Variants in CHRNA7 observed in about 807,000 individuals in gnomAD.
The protein encoded by CHRNA7 is neuronal acetylcholine receptor subunit alpha-7.
Under a neutral mutation model 48.0 loss-of-function variants are expected in CHRNA7, and 17 were observed. The ratio of observed to expected loss-of-function variants is 0.35; its 90% CI spans 0.24 to 0.53. CHRNA7 has a LOEUF of 0.53. Ranked by LOEUF, CHRNA7 falls within the 20% of genes least tolerant of loss-of-function variation. The pLI is 0.92. For missense variants in CHRNA7, 155 were observed against 577.7 expected, an observed-to-expected ratio of 0.27 and a Z score of 7.50; for synonymous variants, 75 against 242.3, an observed-to-expected ratio of 0.31 and a Z score of 6.41.
intron 4 of CHRNA7, among the ~76,000 whole-genome samples, chr15:32,114,077 C>CACATATATATATATATATAT (rs2050822815): frequency 1.1e-5 from 1 of 93,830 alleles, no homozygotes; most frequent in South Asian, 3.4e-4. Context: ...TATATATATA[C>CACATATATATATATATATAT]ACATACATAC....
At chr15:32,108,174 T>C (rs1258091255) in intron 3 of CHRNA7, among the ~76,000 whole-genome samples, 1 of 151,542 alleles carries the variant, frequency 6.6e-6, no homozygotes, top group East Asian at 2.0e-4. Flanking sequence ...GCAGCACAAA[T>C]AGGGCCCAGG....
chr15:32,151,098 C>T (rs562001776), intron 4 of CHRNA7, among the ~76,000 whole-genome samples: 20 of 152,064 alleles, frequency 1.3e-4, no homozygotes, highest in Admixed American at 4.6e-4. Context: ...CAAATCACGG[C>T]TTTCTCATAC....
intron 2 of CHRNA7, among the ~76,000 whole-genome samples, chr15:32,051,430 C>CGTGGGCGT (rs2049675168): frequency 6.6e-6 from 1 of 152,126 alleles, no homozygotes; most frequent in African/African-American, 2.4e-5. Flanking sequence ...AGTGAGACTC[C>CGTGGGCGT]ATGGGCGTAG....
chr15:32,060,039 A>AT (rs1270225237), intron 2 of CHRNA7, among the ~76,000 whole-genome samples: 3 of 151,776 alleles, frequency 2.0e-5, no homozygotes, highest in Admixed American at 2.0e-4. Context: ...AATTGCTGGA[A>AT]TAATGTAATC....
chr15:32,073,210 A>G (rs2050085403), intron 2 of CHRNA7, among the ~76,000 whole-genome samples: 3 of 152,208 alleles, frequency 2.0e-5, no homozygotes, highest in Non-Finnish European at 4.4e-5. Flanking sequence ...GATGCGGGAC[A>G]TGGAGTCAAA....
intron 2 of CHRNA7, among the ~76,000 whole-genome samples, chr15:32,052,458 C>T (rs1404721140): frequency 2.0e-5 from 3 of 152,114 alleles, no homozygotes; most frequent in East Asian, 1.9e-4. Flanking sequence ...AGGCCAGGTG[C>T]GTTGGCTCAC....
chr15:32,084,435 C>T (rs2050262878), intron 2 of CHRNA7, among the ~76,000 whole-genome samples: 2 of 152,146 alleles, frequency 1.3e-5, no homozygotes, highest in African/African-American at 2.4e-5. Flanking sequence ...ACTGACTGGG[C>T]GGCAATGTGC....
chr15:32,108,952 A>G (rs564402314), intron 3 of CHRNA7, among the ~76,000 whole-genome samples: 1 of 152,252 alleles, frequency 6.6e-6, no homozygotes, highest in South Asian at 2.1e-4. Flanking sequence ...GGTCTGTCTG[A>G]TGCGGATGCT....
At chr15:32,134,100 GTCC>G (rs765039910) in intron 4 of CHRNA7, among the ~76,000 whole-genome samples, 16 of 151,942 alleles carry the variant, frequency 1.1e-4, no homozygotes, top group Non-Finnish European at 2.1e-4. Context: ...TCTCTCCTGC[GTCC>G]TCCTCCCTCC....
intron 3 of CHRNA7, among the ~76,000 whole-genome samples, chr15:32,108,715 C>A (rs1364760038): frequency 6.6e-6 from 1 of 152,170 alleles, no homozygotes; most frequent in East Asian, 1.9e-4. Context: ...ACTACAGCTC[C>A]CAAGTCCAGC....
At chr15:32,154,858 TCACA>T (rs2051704752) in intron 5 of CHRNA7, among the ~76,000 whole-genome samples, 1 of 34,144 alleles carries the variant, frequency 2.9e-5, no homozygotes, top group Non-Finnish European at 4.9e-5. Flanking sequence ...CACTCACCCC[TCACA>T]CACACCACTC....
chr15:32,114,373 G>A (rs1348870287), intron 4 of CHRNA7, among the ~76,000 whole-genome samples: 1 of 151,994 alleles, frequency 6.6e-6, no homozygotes. Flanking sequence ...ATGTTACCAG[G>A]GTCCAGGCCC....
chr15:32,039,916 G>A (rs2049415929), intron 2 of CHRNA7, among the ~76,000 whole-genome samples: 2 of 152,058 alleles, frequency 1.3e-5, no homozygotes, highest in Non-Finnish European at 2.9e-5. Context: ...TGCCTCATTA[G>A]TTTGATGCTG....
At chr15:32,041,093 A>G (rs778312053) in intron 2 of CHRNA7, among the ~76,000 whole-genome samples, 37 of 151,840 alleles carry the variant, frequency 2.4e-4, no homozygotes, top group Admixed American at 2.6e-4. Flanking sequence ...TTTTATCTTT[A>G]TCTTTGTTTA....
At chr15:32,065,129 T>C (rs2049943398) in intron 2 of CHRNA7, among the ~76,000 whole-genome samples, 2 of 152,226 alleles carry the variant, frequency 1.3e-5, no homozygotes, top group African/African-American at 4.8e-5. Context: ...GGGGAGCATT[T>C]ATTTTTTATA....
chr15:32,134,527 A>T (rs369671205), intron 4 of CHRNA7, among the ~76,000 whole-genome samples: 2 of 152,348 alleles, frequency 1.3e-5, no homozygotes, highest in Admixed American at 1.3e-4. Context: ...ATTACAGATG[A>T]AAACTGTATG....
chr15:32,048,925 G>A (rs1252839113), intron 2 of CHRNA7, among the ~76,000 whole-genome samples: 3 of 150,992 alleles, frequency 2.0e-5, no homozygotes, highest in Non-Finnish European at 4.4e-5. Flanking sequence ...ATTTCGTTAT[G>A]TACCCAGTAG....
At chr15:32,123,549 C>T (rs953239052) in intron 4 of CHRNA7, among the ~76,000 whole-genome samples, 1 of 152,114 alleles carries the variant, frequency 6.6e-6, no homozygotes, top group Non-Finnish European at 1.5e-5. Flanking sequence ...GAAGCTTTTT[C>T]AGAGCTTACT....
chr15:32,073,291 C>A (rs576891804), intron 2 of CHRNA7, among the ~76,000 whole-genome samples: 1 of 152,294 alleles, frequency 6.6e-6, no homozygotes, highest in Admixed American at 6.5e-5. Context: ...TGGCCTATTG[C>A]CCCTTTCTTT....
Sources: allele counts gnomAD v4.1 joint callset (sites outside exome capture counted in the v4.1 genomes callset), GRCh38; gene constraint gnomAD v4.1.1; transcripts MANE v1.5; gene names NCBI Gene and HGNC (gene_info 2026-07-23, HGNC 2026-07-21).